The following EPHA3 variants were observed in gnomAD, a reference collection of about 807,000 sequenced individuals.
EPHA3 encodes ephrin type-A receptor 3.
In EPHA3, 42 loss-of-function variants were observed where a neutral mutation model predicts 107.1. That is an observed-to-expected ratio of 0.39 (90% CI 0.31 to 0.51). EPHA3 has a LOEUF of 0.51. EPHA3 is among the 20% of genes least tolerant of loss of function. The pLI is 0.78. For synonymous variants in EPHA3, 461 were observed against 424.8 expected (o/e 1.09, Z -1.05); for missense variants, 1,183 against 1,211.2 (o/e 0.98, Z 0.35).
At chr3:89,254,106 G>A (rs775864605) in intron 3 of EPHA3, among the ~76,000 whole-genome samples, 14 of 151,938 alleles carry the variant, frequency 9.2e-5, no homozygotes, top group African/African-American at 1.5e-4. Flanking sequence ...TCAGCCCTCC[G>A]AGTTTATATG....
chr3:89,195,530 T>C (rs892047806), intron 2 of EPHA3, among the ~76,000 whole-genome samples: 2 of 152,194 alleles, frequency 1.3e-5, no homozygotes, highest in Admixed American at 6.5e-5. Context: ...GATTATCCAA[T>C]GTTAGCTTAA....
intron 5 of EPHA3, among the ~76,000 whole-genome samples, chr3:89,385,840 A>G (rs1258701045): frequency 6.6e-6 from 1 of 152,174 alleles, no homozygotes; most frequent in East Asian, 1.9e-4. Context: ...AAAGTGTGGA[A>G]CTTCCTAGAG....
In EPHA3 at chr3:89,345,861, G is replaced by A. The variant is rs1255582090; in HGVS notation, c.1306+3771G>A. 6.6e-5 allele frequency among the ~76,000 whole-genome samples: 9 copies of A among 136,544 alleles called. 1 individual carries two copies. Among genetic ancestry groups the A allele is most frequent in the Non-Finnish European group, 1.1e-4 (7 of 63,642 alleles). 89.6% of individuals were successfully genotyped at this position (136,544 alleles called of 152,430 possible). A position where few individuals can be genotyped will look rare whatever the true frequency, so the allele number is the denominator to read the frequency against. Reference sequence around the variant, plus strand: ...AATTCCCACCTATGAGTGAGAATATGCGGTGTTTGGTTTTTTGTTCTTGCG... The same window carrying A: ...AATTCCCACCTATGAGTGAGAATATACGGTGTTTGGTTTTTTGTTCTTGCG... On this transcript the variant is annotated intron_variant, in intron 5 of 16. Transcript: ENST00000336596.
Position 89,107,653 on chromosome 3 carries a change from G to T in EPHA3, c.-96G>T. 8.8e-7 allele frequency: 1 copy of T among 1,141,214 alleles called. No homozygotes were observed. The highest frequency in any genetic ancestry group is 1.3e-6 in the Non-Finnish European group (1 of 766,554). The allele number at this position is 1,141,214 out of a possible 1,614,324, so 70.7% of individuals were successfully genotyped here. A position where few individuals can be genotyped will look rare whatever the true frequency, so the allele number is the denominator to read the frequency against. On this transcript the variant is annotated 5_prime_UTR_variant, in exon 1 of 17. Coordinates refer to ENST00000336596, the MANE Select transcript of EPHA3 (RefSeq NM_005233.6). ...AACTTGACATCAGCCTGCGAGCGGA[G>T]CATGGTAACTTCTCCAGCAATCAGA...
At chr3:89,201,717 C>A (rs1397178208) in intron 2 of EPHA3, among the ~76,000 whole-genome samples, 2 of 152,100 alleles carry the variant, frequency 1.3e-5, no homozygotes, top group Non-Finnish European at 2.9e-5. Context: ...ATTAGAAGTG[C>A]TTCGAGTGTT....
intron 3 of EPHA3, among the ~76,000 whole-genome samples, chr3:89,287,658 C>T (rs796100015): frequency 1.2e-4 from 18 of 151,968 alleles, no homozygotes; most frequent in African/African-American, 4.3e-4. Context: ...AAGAGTGAGC[C>T]AACATATTTA....
At chr3:89,472,418 C>T in intron 15 of EPHA3, 46 bp from the exon 16 acceptor site, 1 of 1,588,674 alleles carries the variant, frequency 6.3e-7, no homozygotes, top group Non-Finnish European at 8.6e-7. Flanking sequence ...CACAGCAACT[C>T]TGCTGACTCC....
intron 3 of EPHA3, among the ~76,000 whole-genome samples, chr3:89,320,706 G>T (rs59969878): frequency 6.6e-6 from 1 of 151,654 alleles, no homozygotes; most frequent in Admixed American, 6.6e-5. Flanking sequence ...ATATTAGATT[G>T]CCAGCAATGA....
intron 5 of EPHA3, among the ~76,000 whole-genome samples, chr3:89,352,479 C>G (rs937568605): frequency 6.6e-6 from 1 of 150,958 alleles, no homozygotes; most frequent in Non-Finnish European, 1.5e-5. Flanking sequence ...GGTTTTATGG[C>G]CTTTTATTTC....
chr3:89,369,426 C>T (rs1330943336), intron 5 of EPHA3, among the ~76,000 whole-genome samples: 2 of 150,550 alleles, frequency 1.3e-5, no homozygotes, highest in African/African-American at 4.9e-5. Flanking sequence ...ATAAATGGTG[C>T]TGGGAAAACT....
intron 3 of EPHA3, among the ~76,000 whole-genome samples, chr3:89,312,198 T>C (rs1024504353): frequency 1.3e-5 from 2 of 152,038 alleles, no homozygotes; most frequent in Non-Finnish European, 2.9e-5. Context: ...CAAAATGTAA[T>C]GTAAACAATA....
At chr3:89,261,392 G>A (rs1335166559) in intron 3 of EPHA3, among the ~76,000 whole-genome samples, 7 of 152,212 alleles carry the variant, frequency 4.6e-5, no homozygotes, top group African/African-American at 1.7e-4. Flanking sequence ...TCTGCACTGA[G>A]AGCTGTTTCC....
chr3:89,192,849 G>A (rs1269971981), intron 2 of EPHA3, among the ~76,000 whole-genome samples: 1 of 152,014 alleles, frequency 6.6e-6, no homozygotes, highest in Non-Finnish European at 1.5e-5. Flanking sequence ...TTCAGAGTAA[G>A]TAACTGCTTT....
At chr3:89,203,832 C>T (rs1706034909) in intron 2 of EPHA3, among the ~76,000 whole-genome samples, 2 of 151,830 alleles carry the variant, frequency 1.3e-5, no homozygotes, top group African/African-American at 4.8e-5. Flanking sequence ...CCTTAAAGCT[C>T]CTAGAAGAGT....
intron 2 of EPHA3, among the ~76,000 whole-genome samples, chr3:89,195,130 G>T (rs190169648): frequency 1.3e-5 from 2 of 151,514 alleles, no homozygotes; most frequent in African/African-American, 4.9e-5. Flanking sequence ...CTGAATTCTG[G>T]ATATCCATTT....
chr3:89,223,123 T>C (rs1704419461), intron 3 of EPHA3, among the ~76,000 whole-genome samples: 1 of 152,212 alleles, frequency 6.6e-6, no homozygotes, highest in African/African-American at 2.4e-5. Context: ...TCATTGTTTA[T>C]ACTTGTTATA....
chr3:89,339,579 T>C (rs1294125793), intron 3 of EPHA3, among the ~76,000 whole-genome samples: 1 of 152,158 alleles, frequency 6.6e-6, no homozygotes, highest in Admixed American at 6.5e-5. Flanking sequence ...TAGTTTATTT[T>C]GGCAGTGTAT....
chr3:89,375,891 G>C (rs1324259516), intron 5 of EPHA3, among the ~76,000 whole-genome samples: 1 of 151,910 alleles, frequency 6.6e-6, no homozygotes, highest in Non-Finnish European at 1.5e-5. Flanking sequence ...GGTTATCAGA[G>C]GGAAATTTGT....
At chr3:89,216,264 C>T (rs1301970444) in intron 3 of EPHA3, among the ~76,000 whole-genome samples, 3 of 151,924 alleles carry the variant, frequency 2.0e-5, no homozygotes, top group Non-Finnish European at 2.9e-5. Context: ...TCTCATTTTA[C>T]TTGAAAGGGG....
Sources: gnomAD v4.1 joint callset for allele counts (sites outside exome capture counted in the v4.1 genomes callset) on GRCh38, gnomAD v4.1.1 for gene constraint, MANE v1.5 for transcripts, NCBI Gene and HGNC (gene_info 2026-07-23, HGNC 2026-07-21) for gene names.